Variants in DNM3 observed in about 807,000 individuals in gnomAD.
The protein encoded by DNM3 is dynamin-3.
Under a neutral mutation model 101.6 loss-of-function variants are expected in DNM3, and 47 were observed. The ratio of observed to expected loss-of-function variants is 0.46; its 90% CI spans 0.37 to 0.59. The LOEUF (loss-of-function observed/expected upper bound fraction) is 0.59. DNM3 is among the 20% of genes least tolerant of loss of function. DNM3 has a pLI of 0.00. For missense variants in DNM3, 849 were observed against 1,085.7 expected, an observed-to-expected ratio of 0.78 and a Z score of 3.06; for synonymous variants, 385 against 387.9, an observed-to-expected ratio of 0.99 and a Z score of 0.09.
At chr1:171,852,769 G>A (rs2033126504) in intron 1 of DNM3, among the ~76,000 whole-genome samples, 1 of 152,226 alleles carries the variant, frequency 6.6e-6, no homozygotes, top group African/African-American at 2.4e-5. Flanking sequence ...TGGATTGCCT[G>A]TGAAACAGTA....
intron 4 of DNM3, among the ~76,000 whole-genome samples, chr1:172,010,635 T>C (rs1302875494): frequency 8.1e-6 from 1 of 123,088 alleles, no homozygotes; most frequent in African/African-American, 3.5e-5. Flanking sequence ...TTTTTTTTTT[T>C]TGGTCACTGG....
At chr1:172,289,042 C>T (rs748685142) in intron 15 of DNM3, among the ~76,000 whole-genome samples, 3 of 151,750 alleles carry the variant, frequency 2.0e-5, no homozygotes, top group Admixed American at 6.6e-5. Flanking sequence ...TGGTTTAAAG[C>T]GATATATTGA....
intron 2 of DNM3, among the ~76,000 whole-genome samples, chr1:171,962,427 G>A (rs2125507375): frequency 6.6e-6 from 1 of 152,294 alleles, no homozygotes; most frequent in Admixed American, 6.5e-5. Flanking sequence ...GGAGAACAGA[G>A]TTTCTGTAAG....
At chr1:172,319,314 G>C (rs1420875917) in intron 16 of DNM3, among the ~76,000 whole-genome samples, 1 of 151,942 alleles carries the variant, frequency 6.6e-6, no homozygotes, top group Non-Finnish European at 1.5e-5. Flanking sequence ...TTACCATTCA[G>C]GACATAGGCA....
At chr1:172,167,389 T>C (rs112117427) in intron 14 of DNM3, among the ~76,000 whole-genome samples, 30,179 of 152,052 alleles carry the variant, frequency 0.2, 4,386 homozygotes, top group African/African-American at 0.41. Context: ...TACGTGTGCA[T>C]GTGTCTTGAT....
At chr1:172,084,073 G>A (rs2053354404) in intron 12 of DNM3, among the ~76,000 whole-genome samples, 1 of 152,160 alleles carries the variant, frequency 6.6e-6, no homozygotes, top group Non-Finnish European at 1.5e-5. Context: ...TGATCTGGGA[G>A]TCAACAATCC....
chr1:172,233,442 A>G (rs1024727913), intron 14 of DNM3, among the ~76,000 whole-genome samples: 4 of 152,144 alleles, frequency 2.6e-5, no homozygotes, highest in South Asian at 2.1e-4. Flanking sequence ...CAGATTCACA[A>G]CCGAATTCTA....
Position 172,412,406 on chromosome 1 carries a change from T to G in DNM3, c.*4565T>G, listed in dbSNP as rs1475687368. 8.1e-6 allele frequency: 8 copies of G among 985,692 alleles called. No homozygotes were observed. Among genetic ancestry groups the G allele is most frequent in the Middle Eastern group, 5.2e-4 (1 of 1,936 alleles). The allele number at this position is 985,692 out of a possible 1,614,324, so 61.1% of individuals were successfully genotyped here. ...ATATTTCCTATGTACATGTACAGCC[T>G]TTGTTTTGCTTGCTTGTCTATTTTT... On this transcript the variant is annotated 3_prime_UTR_variant, in exon 21 of 21. Coordinates refer to ENST00000627582, the MANE Select transcript of DNM3 (RefSeq NM_015569.5).
At chr1:171,902,754 CA>C (rs1382013688) in intron 1 of DNM3, among the ~76,000 whole-genome samples, 1 of 152,038 alleles carries the variant, frequency 6.6e-6, no homozygotes, top group Non-Finnish European at 1.5e-5. Flanking sequence ...AGGTGTTTAT[CA>C]AGGATTGGAA....
intron 14 of DNM3, among the ~76,000 whole-genome samples, chr1:172,152,776 G>GT (rs1439271750): frequency 2.0e-5 from 3 of 152,090 alleles, no homozygotes; most frequent in Non-Finnish European, 4.4e-5. Context: ...ATTTTAGTGA[G>GT]TTTTTTGTGT....
At chr1:171,856,985 A>T (rs1243808407) in intron 1 of DNM3, among the ~76,000 whole-genome samples, 1 of 152,220 alleles carries the variant, frequency 6.6e-6, no homozygotes, top group Non-Finnish European at 1.5e-5. Context: ...ATGAAGCCAG[A>T]CGCACAGAAA....
At chr1:172,193,474 T>A (rs1364580787) in intron 14 of DNM3, among the ~76,000 whole-genome samples, 1 of 152,186 alleles carries the variant, frequency 6.6e-6, no homozygotes, top group African/African-American at 2.4e-5. Context: ...AATTTGGCTG[T>A]GAATCCATCT....
intron 14 of DNM3, among the ~76,000 whole-genome samples, chr1:172,178,511 A>ATCTTCACTTCATATAT (rs2059232758): frequency 6.6e-6 from 1 of 151,940 alleles, no homozygotes; most frequent in Non-Finnish European, 1.5e-5. Flanking sequence ...TGTGTAAGTC[A>ATCTTCACTTCATATAT]GAGAATCCAC....
intron 14 of DNM3, among the ~76,000 whole-genome samples, chr1:172,184,556 C>A (rs898389947): frequency 3.3e-5 from 5 of 152,054 alleles, no homozygotes; most frequent in Non-Finnish European, 5.9e-5. Flanking sequence ...CAGAATATGT[C>A]CCCAGGCTAG....
chr1:171,963,096 A>G (rs1340156468), intron 2 of DNM3, among the ~76,000 whole-genome samples: 1 of 152,180 alleles, frequency 6.6e-6, no homozygotes, highest in Non-Finnish European at 1.5e-5. Flanking sequence ...AAGGTTTATC[A>G]CAGCTGTATT....
At chr1:172,053,493 T>C (rs903621726) in intron 10 of DNM3, among the ~76,000 whole-genome samples, 1 of 152,184 alleles carries the variant, frequency 6.6e-6, no homozygotes, top group Non-Finnish European at 1.5e-5. Context: ...TTGAGATTTA[T>C]TTGTATGTAT....
chr1:171,925,764 T>C (rs1279570798), intron 2 of DNM3, among the ~76,000 whole-genome samples: 4 of 152,194 alleles, frequency 2.6e-5, no homozygotes, highest in Non-Finnish European at 1.5e-5. Context: ...GGGGTCTTAG[T>C]GAGAAGTCCT....
chr1:172,311,473 T>C (rs536689617), intron 16 of DNM3, among the ~76,000 whole-genome samples: 2 of 152,176 alleles, frequency 1.3e-5, no homozygotes, highest in Admixed American at 1.3e-4. Flanking sequence ...CCAGGCACGG[T>C]GGCACACACC....
chr1:172,049,184 G>A (rs916592399), intron 10 of DNM3, among the ~76,000 whole-genome samples: 6 of 152,128 alleles, frequency 3.9e-5, no homozygotes, highest in African/African-American at 1.4e-4. Flanking sequence ...AAGGGGCAGT[G>A]TAGTGTAGTG....
Sources: gnomAD v4.1 joint callset for allele counts (sites outside exome capture counted in the v4.1 genomes callset) on GRCh38, gnomAD v4.1.1 for gene constraint, MANE v1.5 for transcripts, NCBI Gene and HGNC (gene_info 2026-07-23, HGNC 2026-07-21) for gene names.